Variants in TMEM38A observed in about 807,000 individuals in gnomAD.
TMEM38A encodes transmembrane protein 38A, also known as trimeric intracellular cation channel type A.
In TMEM38A, 17 loss-of-function variants were observed where a neutral mutation model predicts 28.6. The observed-to-expected ratio is 0.60, with a 90% CI of 0.41 to 0.89. The LOEUF is 0.89. Among genes scored for constraint, TMEM38A ranks in the 40% least tolerant of loss-of-function variants. TMEM38A has a pLI of 0.00. For synonymous variants in TMEM38A, 169 were observed against 166.1 expected, an observed-to-expected ratio of 1.02 and a Z score of -0.14; for missense variants, 328 against 393.1, an observed-to-expected ratio of 0.83 and a Z score of 1.40.
rs2086801478 is a variant in TMEM38A at position 16,686,280 on chromosome 19, C to T, written c.555-8C>T. ...GCACCTCCCGGTAATGACAGCTGCT[C>T]CCTCCAGCCCCACCAAGGCCAGCCT... On this transcript the variant is annotated splice_region_variant and splice_polypyrimidine_tract_variant and intron_variant, in intron 4 of 5. Coordinates refer to ENST00000187762, the MANE Select transcript of TMEM38A (RefSeq NM_024074.4). 6.8e-6 allele frequency: 11 copies of T among 1,609,606 alleles called. No individual in the cohort carries two copies. Among genetic ancestry groups the T allele is most frequent in the Non-Finnish European group, 8.5e-6 (10 of 1,177,964 alleles).
At chr19:16,663,708 T>G (rs1190147284) in intron 1 of TMEM38A, among the ~76,000 whole-genome samples, 2 of 151,480 alleles carry the variant, frequency 1.3e-5, no homozygotes, top group African/African-American at 4.9e-5. Flanking sequence ...TTTTTTTTTT[T>G]TGTATTTTTA....
intron 1 of TMEM38A, among the ~76,000 whole-genome samples, chr19:16,676,154 A>T (rs1283116151): frequency 6.7e-6 from 1 of 149,348 alleles, no homozygotes; most frequent in Non-Finnish European, 1.5e-5. Flanking sequence ...AGGTCAGGAG[A>T]TTGAGACCAT....
intron 1 of TMEM38A, among the ~76,000 whole-genome samples, chr19:16,679,255 G>A (rs2086767942): frequency 2.5e-5 from 1 of 39,466 alleles, no homozygotes; most frequent in African/African-American, 4.1e-4. Context: ...TTTGTTTCGT[G>A]TGTGTGTGTG....
chr19:16,687,543 T>C (rs910517733), intron 5 of TMEM38A, among the ~76,000 whole-genome samples: 2 of 151,956 alleles, frequency 1.3e-5, no homozygotes, highest in East Asian at 1.9e-4. Flanking sequence ...AAGGAAGAAA[T>C]GTATTTCTTA....
intron 1 of TMEM38A, among the ~76,000 whole-genome samples, chr19:16,671,200 G>GTTTTTTTTTTTTTTTT (rs1568313636): frequency 1.8e-5 from 2 of 112,910 alleles, no homozygotes; most frequent in African/African-American, 1.0e-4. Flanking sequence ...AAGGACCTGG[G>GTTTTTTTTTTTTTTTT]CTTTTTTTTT....
chr19:16,683,042 C>T (rs1449005776), intron 4 of TMEM38A, among the ~76,000 whole-genome samples: 3 of 152,102 alleles, frequency 2.0e-5, no homozygotes, highest in Non-Finnish European at 4.4e-5. Context: ...GGCATGATCT[C>T]GGCTCACTGC....
At chr19:16,685,585 T>C (rs1287060413) in intron 4 of TMEM38A, among the ~76,000 whole-genome samples, 1 of 152,232 alleles carries the variant, frequency 6.6e-6, no homozygotes, top group Non-Finnish European at 1.5e-5. Context: ...AGGATTTTTA[T>C]TGTGGCTCAG....
At chr19:16,678,766 CAAAA>C (rs61142232) in intron 1 of TMEM38A, among the ~76,000 whole-genome samples, 1 of 48,684 alleles carries the variant, frequency 2.1e-5, no homozygotes, top group Non-Finnish European at 4.4e-5. Flanking sequence ...ACCCTGTGTC[CAAAA>C]AAAAAAAAAA....
At chr19:16,680,274 C>G in intron 2 of TMEM38A, 123 bp from the exon 3 acceptor site, 3 of 1,473,714 alleles carry the variant, frequency 2.0e-6, no homozygotes, top group Non-Finnish European at 2.8e-6. Flanking sequence ...ATGCTGCCCT[C>G]CATGCCCATC....
intron 1 of TMEM38A, among the ~76,000 whole-genome samples, chr19:16,675,986 A>G (rs2086749306): frequency 6.6e-6 from 1 of 152,032 alleles, no homozygotes; most frequent in Non-Finnish European, 1.5e-5. Flanking sequence ...TCTGTCCACA[A>G]CAGACACTCT....
At chr19:16,678,702 C>G (rs2086763821) in intron 1 of TMEM38A, among the ~76,000 whole-genome samples, 1 of 137,542 alleles carries the variant, frequency 7.3e-6, no homozygotes, top group African/African-American at 2.8e-5. Flanking sequence ...GAAGTCAAGG[C>G]TGCAGTGAGT....
In TMEM38A at chr19:16,661,357, G is replaced by A. The variant is rs1200872077; in HGVS notation, c.124+16G>A. On this transcript the variant is annotated intron_variant, in intron 1 of 5. Transcript: ENST00000187762. The surrounding 1 kb of genome is among the most constrained non-coding windows in gnomAD (Gnocchi z 6.5). ...TATGAGCCAGGTGAGCCGGGGCGGG[G>A]GGCTGGAGGGGACCGGCAGCGGGTG... is the stretch of plus-strand genomic sequence containing the variant. 2 of 1,578,084 alleles carry A rather than the reference G, an allele frequency of 1.3e-6. No individual in the cohort carries two copies. Among genetic ancestry groups the A allele is most frequent in the South Asian group, 1.1e-5 (1 of 87,400 alleles).
In TMEM38A at chr19:16,688,245, C is replaced by T. The variant is rs1461896604; in HGVS notation, c.774C>T (p.His258=). The T allele has an allele frequency of 6.2e-6, 10 of 1,600,282 alleles. No homozygotes were observed. The highest frequency in any genetic ancestry group is 8.5e-6 in the Non-Finnish European group (10 of 1,173,008). The part of the protein sequence containing the change: ...LFGSACGGDH[H]HDNHGGSHSG... ...GTTCGGCCTGCGGGGGTGACCATCA[C>T]CACGACAACCATGGTGGGTCCCACA... Residue 258 remains histidine, a synonymous_variant, in exon 6 of 6, where the codon CAC becomes CAT. Coordinates refer to ENST00000187762, the MANE Select transcript of TMEM38A (RefSeq NM_024074.4).
intron 1 of TMEM38A, among the ~76,000 whole-genome samples, chr19:16,669,605 A>G (rs1288137008): frequency 5.3e-5 from 8 of 152,174 alleles, no homozygotes; most frequent in Non-Finnish European, 1.0e-4. Context: ...TTTTGAGGGC[A>G]GGAGGCTGTT....
At chr19:16,663,263 A>G (rs1180807487) in intron 1 of TMEM38A, among the ~76,000 whole-genome samples, 5 of 151,642 alleles carry the variant, frequency 3.3e-5, no homozygotes, top group African/African-American at 1.2e-4. Context: ...CCTGGGCGAC[A>G]GAGCAAGACT....
At chr19:16,686,179 A>C (rs2086800980) in intron 4 of TMEM38A, 109 bp from the exon 5 acceptor site, 1 of 722,178 alleles carries the variant, frequency 1.4e-6, no homozygotes, top group Non-Finnish European at 2.3e-6. Context: ...AAAAGAAAAG[A>C]GAGAAGCTGG....
chr19:16,662,311 A>G (rs1415448153), intron 1 of TMEM38A, among the ~76,000 whole-genome samples: 1 of 152,170 alleles, frequency 6.6e-6, no homozygotes, highest in Non-Finnish European at 1.5e-5. Flanking sequence ...CTGTTTACTA[A>G]AAACTCAAAC....
At chr19:16,668,397 TAGTC>T (rs892638480) in intron 1 of TMEM38A, among the ~76,000 whole-genome samples, 7 of 147,902 alleles carry the variant, frequency 4.7e-5, no homozygotes, top group African/African-American at 1.3e-4. Flanking sequence ...ATATAAAAAT[TAGTC>T]AGGCATGGTG....
At chr19:16,686,497 CT>C in intron 5 of TMEM38A, 92 bp downstream of exon 5, 1 of 1,036,166 alleles carries the variant, frequency 9.7e-7, no homozygotes, top group Non-Finnish European at 1.5e-6. Context: ...CACTCCCAGC[CT>C]TATGTGGCTG....
Sources: gnomAD v4.1 joint callset for allele counts (sites outside exome capture counted in the v4.1 genomes callset) on GRCh38, gnomAD v4.1.1 for gene constraint, Gnocchi (gnomAD v3.1) non-coding constraint, MANE v1.5 for transcripts, NCBI Gene and HGNC (gene_info 2026-07-23, HGNC 2026-07-21) for gene names.